Variants in TRIM55 observed in about 807,000 individuals in gnomAD.
TRIM55 encodes the protein tripartite motif-containing protein 55.
Under a neutral mutation model 60.9 loss-of-function variants are expected in TRIM55, and 50 were observed. The observed-to-expected ratio is 0.82, with a 90% CI of 0.65 to 1.04. The LOEUF is 1.04. Among genes scored for constraint, TRIM55 ranks in the 50% least tolerant of loss-of-function variants. The pLI, the probability that TRIM55 is intolerant of heterozygous loss-of-function variation, is 0.00. For synonymous variants in TRIM55, 237 were observed against 238.1 expected (o/e 1.00, Z 0.04); for missense variants, 681 against 666.9 (o/e 1.02, Z -0.23).
upstream of TRIM55, chr8:66,127,067 C>T (rs1586161383): frequency 7.7e-6 from 4 of 516,520 alleles, no homozygotes; most frequent in East Asian, 6.5e-5. Flanking sequence ...TATATGGACA[C>T]GTCAGCCCAC....
intron 2 of TRIM55, among the ~76,000 whole-genome samples, chr8:66,132,928 A>T (rs1809250674): frequency 6.6e-6 from 1 of 152,182 alleles, no homozygotes; most frequent in African/African-American, 2.4e-5. Flanking sequence ...CTGTTTTCAC[A>T]TTTTCAATAT....
At chr8:66,119,912 T>C in the TRIM55 span, among the ~76,000 whole-genome samples, 1 of 152,238 alleles carries the variant, frequency 6.6e-6, no homozygotes, top group Non-Finnish European at 1.5e-5. Flanking sequence ...TGACTAGAGA[T>C]TGGACACTAC....
chr8:66,161,629 A>G (rs1389806186), intron 9 of TRIM55, among the ~76,000 whole-genome samples: 1 of 151,342 alleles, frequency 6.6e-6, no homozygotes, highest in Non-Finnish European at 1.5e-5. Context: ...ATGGTTATTG[A>G]TTCTACCCAT....
At position 66,135,040 on chromosome 8, in the gene TRIM55, G is replaced by C; in HGVS notation, c.392G>C (p.Arg131Pro). The change falls in exon 3 of 10, where the codon CGC becomes CCC. Residue 131 changes from arginine to proline, a missense_variant. By Grantham distance (103) the Arg-to-Pro change is moderately radical. Coordinates refer to ENST00000315962, the MANE Select transcript of TRIM55 (RefSeq NM_184085.2). ...QPMCEEHEEERINIYCLNCEV... is the reference protein window; with the variant it reads ...QPMCEEHEEEPINIYCLNCEV... ...ATGTGCGAGGAACATGAAGAGGAGC[G>C]CATCAACATCTACTGTCTGAACTGC... The C allele has an allele frequency of 6.2e-7, 1 of 1,614,170 alleles. No individual in the cohort carries two copies. Among genetic ancestry groups the C allele is most frequent in the South Asian group, 1.1e-5 (1 of 91,082 alleles).
At chr8:66,139,689 G>T (rs535579697) in intron 4 of TRIM55, among the ~76,000 whole-genome samples, 11 of 152,232 alleles carry the variant, frequency 7.2e-5, no homozygotes, top group East Asian at 5.8e-4. Context: ...CTAGGGGAGG[G>T]TATGTAATCA....
At position 66,175,461 on chromosome 8, in the gene TRIM55, T is replaced by G. The variant is rs919378311; in HGVS notation, c.*868T>G. 3.3e-5 allele frequency: 5 copies of G among 152,240 alleles called. No homozygotes were observed. The highest frequency in any genetic ancestry group is 7.3e-5 in the Non-Finnish European group (5 of 68,044). The allele number at this position is 152,240 out of a possible 1,614,324, so 9.4% of individuals were successfully genotyped here. On this transcript the variant is annotated 3_prime_UTR_variant, in exon 10 of 10. Coordinates refer to ENST00000315962, the MANE Select transcript of TRIM55 (RefSeq NM_184085.2). ...AACATAAGTGTAACTTTATATGAAC[T>G]CTTAAATAAATGATGTTTTTAAAAG...
At chr8:66,126,936 A>G (rs1808841884), upstream of TRIM55, 2 of 212,274 alleles carry the variant, frequency 9.4e-6, no homozygotes, top group African/African-American at 4.6e-5. Context: ...CCTTCTCCTC[A>G]CAACCCCGTC....
Position 66,128,309 on chromosome 8 carries a change from T to A in TRIM55, c.174T>A (p.Ser58=). 1 of 1,603,318 alleles carries A rather than the reference T, an allele frequency of 6.2e-7. No individual in the cohort carries two copies. The highest frequency in any genetic ancestry group is 1.3e-5 in the African/African-American group (1 of 74,472). The change falls in exon 2 of 10, where the codon TCT becomes TCA. Residue 58 remains serine (S), a synonymous_variant. Transcript: ENST00000315962. ...RKCASDIFQA[S]NPYLPTRGGT... is the part of the protein sequence containing the mutation. ...TTCTTACTTGGCAAGAACAGGCCTC[T>A]AACCCGTATTTGCCCACAAGAGGAG...
At chr8:66,162,965 T>C (rs1811133010) in intron 9 of TRIM55, among the ~76,000 whole-genome samples, 2 of 152,194 alleles carry the variant, frequency 1.3e-5, no homozygotes, top group African/African-American at 4.8e-5. Context: ...AGATATTCAT[T>C]TATTCCAGCA....
chr8:66,114,427 A>G, the TRIM55 span: 4 of 419,846 alleles, frequency 9.5e-6, no homozygotes, highest in Non-Finnish European at 1.9e-5. Flanking sequence ...CTAGCTTTAA[A>G]TTTTTAGACC....
chr8:66,167,165 A>T (rs1296438097), intron 9 of TRIM55, among the ~76,000 whole-genome samples: 1 of 151,904 alleles, frequency 6.6e-6, no homozygotes, highest in Admixed American at 6.6e-5. Context: ...TCTATGAACA[A>T]CTCTTGGCAC....
the TRIM55 span, among the ~76,000 whole-genome samples, chr8:66,114,237 G>T: frequency 6.6e-6 from 1 of 152,164 alleles, no homozygotes; most frequent in African/African-American, 2.4e-5. Flanking sequence ...GCGAGAGGTA[G>T]CGGGATCGAT....
intron 2 of TRIM55, among the ~76,000 whole-genome samples, chr8:66,134,398 A>AT (rs1450178957): frequency 6.6e-6 from 1 of 152,188 alleles, no homozygotes. Context: ...TAATCAGAAG[A>AT]TTTTGGTTCC....
intron 4 of TRIM55, among the ~76,000 whole-genome samples, chr8:66,142,556 A>G (rs774287081): frequency 2.0e-5 from 3 of 152,218 alleles, no homozygotes; most frequent in Admixed American, 6.5e-5. Context: ...TATAGCGTCT[A>G]CTCAAGAAGA....
At chr8:66,155,558 G>C in intron 9 of TRIM55, 2 of 1,266,980 alleles carry the variant, frequency 1.6e-6, no homozygotes, top group Non-Finnish European at 2.3e-6. Context: ...AAAGTCCATT[G>C]AAATAATGTT....
chr8:66,128,627 A>G, intron 2 of TRIM55, 151 bp downstream of exon 2: 2 of 789,246 alleles, frequency 2.5e-6, no homozygotes, highest in South Asian at 4.0e-5. Flanking sequence ...TCCCAGTGAG[A>G]CTGAGAGTTG....
intron 9 of TRIM55, among the ~76,000 whole-genome samples, chr8:66,160,345 T>G (rs1237947072): frequency 7.1e-6 from 1 of 141,510 alleles, no homozygotes; most frequent in Admixed American, 6.8e-5. Context: ...TATGGCTGAG[T>G]AGTATTCCAT....
intron 2 of TRIM55, among the ~76,000 whole-genome samples, chr8:66,132,751 T>G (rs551874783): frequency 6.6e-6 from 1 of 152,262 alleles, no homozygotes; most frequent in African/African-American, 2.4e-5. Flanking sequence ...TGTACAGAGG[T>G]TTCATTATAT....
intron 9 of TRIM55, among the ~76,000 whole-genome samples, chr8:66,158,521 C>G (rs1331967806): frequency 6.6e-6 from 1 of 152,140 alleles, no homozygotes; most frequent in East Asian, 1.9e-4. Flanking sequence ...TGACTCTGGG[C>G]ATCTAAATTC....
Sources: allele counts gnomAD v4.1 joint callset (sites outside exome capture counted in the v4.1 genomes callset), GRCh38; gene constraint gnomAD v4.1.1; transcripts MANE v1.5; gene names NCBI Gene and HGNC (gene_info 2026-07-23, HGNC 2026-07-21).